The following TAF1A variants were observed in gnomAD, a reference collection of about 807,000 sequenced individuals.
TAF1A encodes TATA-box binding protein associated factor, RNA polymerase I subunit A.
In TAF1A, 42 loss-of-function variants were observed where a neutral mutation model predicts 61.6. That is an observed-to-expected ratio of 0.68 (90% confidence interval 0.53 to 0.88). The LOEUF (loss-of-function observed/expected upper bound fraction) is 0.88. Ranked by LOEUF, TAF1A falls within the 40% of genes least tolerant of loss-of-function variation. The probability of loss-of-function intolerance (pLI) is 0.00; values close to 1 mark genes in which losing one functional copy is unlikely to be tolerated. For synonymous variants in TAF1A, 179 were observed against 177.7 expected (o/e 1.01, Z -0.06); for missense variants, 424 against 518.7 (o/e 0.82, Z 1.77).
Position 222,569,776 on chromosome 1 carries a change from C to T in TAF1A, c.736-108G>A, listed in dbSNP as rs150688821. On this transcript the variant is annotated intron_variant, in intron 6 of 10. Transcript: ENST00000352967. ...TGGGTATTTTTTAAAAATCACAAAA[C>T]TGACAGGGTTCCCATTTTTTCCCTG... 1.5e-4 allele frequency: 154 copies of T among 1,032,866 alleles called. No homozygotes were observed. In the African/African-American group the frequency reaches 2.3e-3, roughly 16 times the overall value. The allele number at this position is 1,032,866 out of a possible 1,614,324, so 64.0% of individuals were successfully genotyped here.
At position 222,579,744 on chromosome 1, in the gene TAF1A, A is replaced by C; in HGVS notation, c.405+15T>G. On this transcript the variant is annotated intron_variant, in intron 4 of 10. Coordinates refer to ENST00000352967, the MANE Select transcript of TAF1A (RefSeq NM_005681.4). ...GAATACTGCAAGTGTAAATTCACAA[A>C]GCCCATATTCTCACCTTTAAATAAT... is the stretch of plus-strand genomic sequence containing the variant. 6.3e-7 allele frequency: 1 copy of C among 1,591,314 alleles called. No individual in the cohort carries two copies. The highest frequency in any genetic ancestry group is 8.5e-7 in the Non-Finnish European group (1 of 1,174,308).
chr1:222,585,006 T>C (rs992662831), intron 2 of TAF1A, among the ~76,000 whole-genome samples: 14 of 152,218 alleles, frequency 9.2e-5, no homozygotes, highest in Non-Finnish European at 1.5e-4. Context: ...AACTTGCAGA[T>C]ATTTGATTTC....
chr1:222,572,611 T>C lies in TAF1A; in HGVS notation c.605-1946A>G, dbSNP rs1220204365. Reference sequence around the variant, plus strand: ...GAGGGCTCATGCGATCTACCTGTCTTGGCCTCCCAAAGTGCTAGGATTACA... The same window carrying C: ...GAGGGCTCATGCGATCTACCTGTCTCGGCCTCCCAAAGTGCTAGGATTACA... On this transcript the variant is annotated intron_variant, in intron 5 of 10. Coordinates refer to ENST00000352967, the MANE Select transcript of TAF1A (RefSeq NM_005681.4). 2.6e-5 allele frequency among the ~76,000 whole-genome samples: 4 copies of C among 152,160 alleles called. No individual in the cohort carries two copies. The East Asian group carries it at 7.7e-4, about 29-fold the overall frequency.
In TAF1A at chr1:222,570,607, C is replaced by G. The variant is rs746123801; in HGVS notation, c.663G>C (p.Lys221Asn). The part of the protein sequence containing the change: ...VAQDVFNHSW[K>N]TSANISALIK... ...TCAATGCAGAAATATTTGCAGATGTCTTCCAGCTGTGGTTGAACACATCCT... is the reference window on the plus strand; with the variant it reads ...TCAATGCAGAAATATTTGCAGATGTGTTCCAGCTGTGGTTGAACACATCCT... The change falls in exon 6 of 11, where the codon AAG becomes AAC. Residue 221 changes from lysine (K) to asparagine (N), a missense_variant. Coordinates refer to ENST00000352967, the MANE Select transcript of TAF1A (RefSeq NM_005681.4). 6.2e-7 allele frequency: 1 copy of G among 1,613,152 alleles called. No individual in the cohort carries two copies. Among genetic ancestry groups the G allele is most frequent in the South Asian group, 1.1e-5 (1 of 91,014 alleles).
At chr1:222,555,661 C>G (rs1289234191), downstream of TAF1A, among the ~76,000 whole-genome samples, 1 of 152,138 alleles carries the variant, frequency 6.6e-6, no homozygotes, top group Non-Finnish European at 1.5e-5. Context: ...CAGTTCAGTA[C>G]TGTATTACAT....
chr1:222,584,580 T>C (rs3816991), intron 2 of TAF1A, among the ~76,000 whole-genome samples: 40,787 of 152,022 alleles, frequency 0.27, 6,914 homozygotes, highest in Middle Eastern at 0.38. Flanking sequence ...ACCAAATAAT[T>C]TGCGGAGAAT....
At chr1:222,571,592 AAGC>A (rs1367695402) in intron 5 of TAF1A, among the ~76,000 whole-genome samples, 1 of 152,060 alleles carries the variant, frequency 6.6e-6, no homozygotes, top group African/African-American at 2.4e-5. Context: ...TGCAATGAAC[AAGC>A]AGAAGATAAA....
In TAF1A at chr1:222,564,079, T is replaced by G. The variant is rs370356570; in HGVS notation, c.941A>C (p.His314Pro). 6.4e-7 allele frequency: 1 copy of G among 1,557,470 alleles called. No homozygotes were observed. Among genetic ancestry groups the G allele is most frequent in the East Asian group, 2.3e-5 (1 of 44,160 alleles). Residue 314 changes from histidine (H) to proline (P), a missense_variant, in exon 8 of 11, where the codon CAT (histidine) becomes CCT (proline). By Grantham distance (77) the His-to-Pro change is moderately conservative. Transcript: ENST00000352967. ...VPSHKLMLEF[H>P]TLLRKSEKEE... Reference sequence around the variant, plus strand: ...ATTACCTGATTTTCTAAGTAATGTATGGAATTCCAACATCAATTTATGAGA... The same window carrying G: ...ATTACCTGATTTTCTAAGTAATGTAGGGAATTCCAACATCAATTTATGAGA...
chr1:222,572,197 C>T (rs971687594), intron 5 of TAF1A, among the ~76,000 whole-genome samples: 2 of 129,722 alleles, frequency 1.5e-5, no homozygotes, highest in African/African-American at 6.0e-5. Context: ...CCAGCATGGG[C>T]AACACAGCAA....
intron 2 of TAF1A, among the ~76,000 whole-genome samples, chr1:222,585,210 T>G (rs1660962250): frequency 6.6e-6 from 1 of 152,130 alleles, no homozygotes. Context: ...ACAACGTAAT[T>G]TTTTACAATA....
downstream of TAF1A, among the ~76,000 whole-genome samples, chr1:222,556,349 C>T (rs969813154): frequency 6.6e-6 from 1 of 152,184 alleles, no homozygotes; most frequent in African/African-American, 2.4e-5. Flanking sequence ...TCTCACTCCA[C>T]CACCTGGCTC....
Position 222,561,494 on chromosome 1 carries a change from T to C in TAF1A, c.1110A>G (p.Glu370=). 2 of 1,609,104 alleles carry C rather than the reference T, an allele frequency of 1.2e-6. No homozygotes were observed. Among genetic ancestry groups the C allele is most frequent in the South Asian group, 1.1e-5 (1 of 89,826 alleles). The change falls in exon 10 of 11, where the codon GAA becomes GAG. Residue 370 remains glutamate, a synonymous_variant. Coordinates refer to ENST00000352967, the MANE Select transcript of TAF1A (RefSeq NM_005681.4). ...ACCAGTTTTTCCTGGAGTTCCACTC[T>C]TCTTGAACCCACGCAAGGTGGTTTC... ...LMGNHLAWVQ[E]EWNSRKNWWP... is the part of the protein sequence containing the mutation.
intron 5 of TAF1A, among the ~76,000 whole-genome samples, chr1:222,574,183 G>A (rs912078877): frequency 6.6e-6 from 1 of 151,970 alleles, no homozygotes; most frequent in Non-Finnish European, 1.5e-5. Flanking sequence ...TGTACTGATG[G>A]TTACAACTCT....
chr1:222,576,262 G>A (rs1338386132), intron 5 of TAF1A, among the ~76,000 whole-genome samples: 1 of 152,170 alleles, frequency 6.6e-6, no homozygotes, highest in Non-Finnish European at 1.5e-5. Flanking sequence ...GGCCTCACAA[G>A]ATTATCATGA....
chr1:222,568,515 G>A (rs912483207), intron 7 of TAF1A, among the ~76,000 whole-genome samples: 7 of 152,144 alleles, frequency 4.6e-5, no homozygotes, highest in African/African-American at 1.4e-4. Flanking sequence ...ACTAAAAGAT[G>A]CTCAACATCA....
intron 2 of TAF1A, among the ~76,000 whole-genome samples, chr1:222,585,665 T>C (rs3008647): frequency 0.86 from 130,432 of 152,112 alleles, 56,007 homozygotes; most frequent in East Asian, 0.93. Flanking sequence ...CTATTAATGA[T>C]AGCAATGTCT....
chr1:222,584,929 G>A (rs1357041120), intron 2 of TAF1A, among the ~76,000 whole-genome samples: 1 of 152,062 alleles, frequency 6.6e-6, no homozygotes, highest in African/African-American at 2.4e-5. Context: ...AGTCCAGCTG[G>A]GTAATTGTAC....
At chr1:222,568,190 A>C (rs1226075802) in intron 7 of TAF1A, among the ~76,000 whole-genome samples, 2 of 151,956 alleles carry the variant, frequency 1.3e-5, no homozygotes, top group African/African-American at 2.4e-5. Context: ...AGAAAAAAAA[A>C]AAAAAAAGAA....
intron 10 of TAF1A, 67 bp from the exon 11 acceptor site, chr1:222,558,839 T>A: frequency 1.4e-6 from 1 of 727,574 alleles, no homozygotes; most frequent in Non-Finnish European, 2.1e-6. Context: ...TTCTACATTT[T>A]AAAAATTCTG....
Sources: allele counts gnomAD v4.1 joint callset (sites outside exome capture counted in the v4.1 genomes callset), GRCh38; gene constraint gnomAD v4.1.1; transcripts MANE v1.5; gene names NCBI Gene and HGNC (gene_info 2026-07-23, HGNC 2026-07-21).